The following MPDZ variants were observed in gnomAD, a reference collection of about 807,000 sequenced individuals.
MPDZ encodes the protein multiple PDZ domain protein.
MPDZ carries 234 observed loss-of-function variants against 239.1 expected under a neutral mutation model. The observed-to-expected ratio is 0.98, with a 90% CI of 0.88 to 1.09. The LOEUF is 1.09. MPDZ is among the 50% of genes least tolerant of loss of function. The pLI is 0.00. For synonymous variants in MPDZ, 1,048 were observed against 881.3 expected (o/e 1.19, Z -3.35); for missense variants, 3,175 against 2,510.0 (o/e 1.26, Z -5.66).
chr9:13,119,505 T>A lies in MPDZ; in HGVS notation c.5376A>T (p.Leu1792=), dbSNP rs777909325. The A allele has an allele frequency of 6.2e-7, 1 of 1,608,472 alleles. No homozygotes were observed. The highest frequency in any genetic ancestry group is 1.1e-5 in the South Asian group (1 of 89,642). The change falls in exon 39 of 47, where the codon CTA becomes CTT. Residue 1792 remains leucine (L), a synonymous_variant. Coordinates refer to ENST00000319217, the MANE Select transcript of MPDZ (RefSeq NM_001378778.1). ...NATQEAVAAL[L]KCSLGTVTLE... is the part of the protein sequence containing the mutation. Reference sequence around the variant, plus strand: ...AATTATTTTTTGCATTTTTTACCTTTAGCAAAGCGGCAACCGCTTCTTGGG... The same window carrying A: ...AATTATTTTTTGCATTTTTTACCTTAAGCAAAGCGGCAACCGCTTCTTGGG...
chr9:13,125,397 G>T lies in MPDZ; in HGVS notation c.4633-7C>A. 6.2e-7 allele frequency: 1 copy of T among 1,611,308 alleles called. No homozygotes were observed. The highest frequency in any genetic ancestry group is 8.5e-7 in the Non-Finnish European group (1 of 1,177,890). On this transcript the variant is annotated splice_polypyrimidine_tract_variant and splice_region_variant and intron_variant, in intron 34 of 46. Transcript: ENST00000319217. ...TCTTCAGAAGGCTAATAAACTGGCA[G>T]GGTGTATGTGTGGAAGAGAAACAAA...
chr9:13,214,170 G>A (rs539519947), intron 10 of MPDZ, among the ~76,000 whole-genome samples: 11 of 152,070 alleles, frequency 7.2e-5, no homozygotes, highest in Admixed American at 2.0e-4. Flanking sequence ...GAAACAACCC[G>A]AATGTCCATC....
intron 3 of MPDZ, among the ~76,000 whole-genome samples, chr9:13,229,583 C>A (rs1358979799): frequency 1.3e-5 from 2 of 149,978 alleles, no homozygotes; most frequent in African/African-American, 4.9e-5. Context: ...CACTTACACA[C>A]ACACACACAC....
At chr9:13,117,798 A>C (rs1471624438) in intron 39 of MPDZ, among the ~76,000 whole-genome samples, 1 of 151,916 alleles carries the variant, frequency 6.6e-6, no homozygotes, top group Non-Finnish European at 1.5e-5. Flanking sequence ...CAAACATGTA[A>C]GTTATACAAA....
rs374743465 is a variant in MPDZ, at chr9:13,114,664, G to C, written c.5466+584C>G. ...TGCCTGTAATCCCAACACTTTGGGA[G>C]GCTGAGGCGGGTGGATCACGAGGTC... is the stretch of plus-strand genomic sequence containing the variant. On this transcript the variant is annotated intron_variant, in intron 40 of 46. Coordinates refer to ENST00000319217, the MANE Select transcript of MPDZ (RefSeq NM_001378778.1). Among the ~76,000 whole-genome samples the C allele has an allele frequency of 2.4e-4, 37 of 152,232 alleles. 1 individual carries two copies. In the East Asian group the frequency reaches 4.4e-3, roughly 18 times the overall value.
intron 8 of MPDZ, 61 bp downstream of exon 8, chr9:13,219,498 C>G: frequency 7.0e-7 from 1 of 1,435,438 alleles, no homozygotes. Flanking sequence ...AAGTAAACAT[C>G]ACTGTCGTCA....
Position 13,219,682 on chromosome 9 carries a change from G to T in MPDZ, c.963C>A (p.Val321=), listed in dbSNP as rs764067239. ...AGMSSEQVAQ[V]LRQCGNRVKL... ...TAACTCTATTTCCACATTGCCTAAG[G>T]ACTTGTGCTACTTGCTCACTGCTCA... The change falls in exon 8 of 47, where the codon GTC becomes GTA. Residue 321 remains valine, a synonymous_variant. Coordinates refer to ENST00000319217, the MANE Select transcript of MPDZ (RefSeq NM_001378778.1). 62 of 1,612,636 alleles carry T rather than the reference G, an allele frequency of 3.8e-5. No homozygotes were observed. Among genetic ancestry groups the T allele is most frequent in the Non-Finnish European group, 2.2e-5 (26 of 1,179,262 alleles).
In MPDZ at chr9:13,234,906, A is replaced by G. The variant is rs747795961; in HGVS notation, c.184-10323T>C. ...CTTGTGAATTTACCAAAAATGCTGTAAAACACTCTCTGGAAATGATCCCAA... is the reference window on the plus strand; with the variant it reads ...CTTGTGAATTTACCAAAAATGCTGTGAAACACTCTCTGGAAATGATCCCAA... On this transcript the variant is annotated intron_variant, in intron 3 of 46. Transcript: ENST00000319217. 5.5e-4 allele frequency among the ~76,000 whole-genome samples: 84 copies of G among 152,142 alleles called. 1 individual carries two copies. The highest frequency in any genetic ancestry group is 6.2e-4 in the South Asian group (3 of 4,834).
intron 3 of MPDZ, among the ~76,000 whole-genome samples, chr9:13,240,514 T>C (rs1965126718): frequency 6.6e-6 from 1 of 150,458 alleles, no homozygotes; most frequent in Non-Finnish European, 1.5e-5. Context: ...ATTAACAGTT[T>C]TTCCATCTTA....
intron 3 of MPDZ, among the ~76,000 whole-genome samples, chr9:13,241,426 T>C (rs1430332762): frequency 6.6e-6 from 1 of 152,198 alleles, no homozygotes; most frequent in East Asian, 1.9e-4. Flanking sequence ...CATATTTCTT[T>C]CGTTCTGTCC....
intron 2 of MPDZ, 68 bp downstream of exon 2, chr9:13,250,232 T>C: frequency 3.4e-6 from 5 of 1,454,766 alleles, no homozygotes; most frequent in Non-Finnish European, 4.7e-6. Flanking sequence ...AAACACAACA[T>C]ATGTCAAAAA....
chr9:13,119,698 C>T, intron 38 of MPDZ, 49 bp from the exon 39 acceptor site: 2 of 1,608,596 alleles, frequency 1.2e-6, no homozygotes, highest in Non-Finnish European at 1.7e-6. Flanking sequence ...AACTGTAATG[C>T]AATGCTTATT....
At chr9:13,232,133 C>T (rs933714156) in intron 3 of MPDZ, among the ~76,000 whole-genome samples, 2 of 151,970 alleles carry the variant, frequency 1.3e-5, no homozygotes, top group African/African-American at 2.4e-5. Context: ...ATTGAAGAAA[C>T]AAAAACTGTA....
chr9:13,135,992 C>A, intron 31 of MPDZ, 100 bp downstream of exon 31: 1 of 776,660 alleles, frequency 1.3e-6, no homozygotes, highest in South Asian at 1.8e-5. Flanking sequence ...ACTTATCTAC[C>A]TCTAATATCC....
intron 1 of MPDZ, among the ~76,000 whole-genome samples, chr9:13,268,138 C>T (rs1345981033): frequency 6.8e-6 from 1 of 146,668 alleles, no homozygotes. Context: ...AAAAAATGAA[C>T]AGCAAAAGGA....
At chr9:13,150,091 T>A (rs1438140267) in intron 25 of MPDZ, among the ~76,000 whole-genome samples, 1 of 152,226 alleles carries the variant, frequency 6.6e-6, no homozygotes, top group East Asian at 1.9e-4. Flanking sequence ...TACATATACA[T>A]ATATTGTATG....
At chr9:13,129,226 G>A (rs966553635) in intron 32 of MPDZ, among the ~76,000 whole-genome samples, 5 of 152,110 alleles carry the variant, frequency 3.3e-5, no homozygotes, top group African/African-American at 1.2e-4. Context: ...ACTTTGGGAG[G>A]CTGAGGCAGG....
chr9:13,239,645 G>C (rs1437445743), intron 3 of MPDZ, among the ~76,000 whole-genome samples: 4 of 152,076 alleles, frequency 2.6e-5, no homozygotes, highest in African/African-American at 4.8e-5. Flanking sequence ...TGACAGTTTT[G>C]AATATTTAAG....
In MPDZ at chr9:13,146,335, G is replaced by A. The variant is rs117285546; in HGVS notation, c.3741+1213C>T. Among the ~76,000 whole-genome samples the A allele has an allele frequency of 1.2e-3, 177 of 152,082 alleles. 3 individuals are homozygous for A. In the East Asian group the frequency reaches 0.03, roughly 26 times the overall value. ...AGAATATTGATAAGTTACTTTGACA[G>A]AGCTCATCTAAAGAGCTGTTGGTTA... On this transcript the variant is annotated intron_variant, in intron 26 of 46. Transcript: ENST00000319217.
Sources: allele counts gnomAD v4.1 joint callset (sites outside exome capture counted in the v4.1 genomes callset), GRCh38; gene constraint gnomAD v4.1.1; transcripts MANE v1.5; gene names NCBI Gene and HGNC (gene_info 2026-07-23, HGNC 2026-07-21).